Variants in SHISA9 observed in about 807,000 individuals in gnomAD.
SHISA9 encodes the protein shisa family member 9.
In SHISA9, 13 loss-of-function variants were observed where a neutral mutation model predicts 38.0. The observed-to-expected ratio is 0.34, with a 90% CI of 0.22 to 0.54. The LOEUF is 0.54. Among genes scored for constraint, SHISA9 ranks in the 20% least tolerant of loss-of-function variants. The pLI is 0.91. For missense variants in SHISA9, 538 were observed against 575.8 expected (o/e 0.93, Z 0.67); for synonymous variants, 275 against 242.0 (o/e 1.14, Z -1.27).
chr16:13,269,282 G>T, the SHISA9 span, among the ~76,000 whole-genome samples: 3 of 152,202 alleles, frequency 2.0e-5, no homozygotes, highest in African/African-American at 7.2e-5. Flanking sequence ...AGTTCGGTCG[G>T]TCACCAGCTG....
At chr16:13,059,292 T>C (rs925905036) in intron 2 of SHISA9, among the ~76,000 whole-genome samples, 4 of 152,110 alleles carry the variant, frequency 2.6e-5, no homozygotes, top group Non-Finnish European at 5.9e-5. Flanking sequence ...CATGCCTGGC[T>C]AATTTTTTGT....
intron 2 of SHISA9, among the ~76,000 whole-genome samples, chr16:12,967,070 A>G (rs1017323036): frequency 6.6e-6 from 1 of 152,216 alleles, no homozygotes; most frequent in African/African-American, 2.4e-5. Context: ...TTATTACCCA[A>G]AGGATTATAA....
At chr16:12,981,746 G>A (rs1409489532) in intron 2 of SHISA9, among the ~76,000 whole-genome samples, 2 of 152,126 alleles carry the variant, frequency 1.3e-5, no homozygotes, top group Non-Finnish European at 2.9e-5. Context: ...GGTCTTTAAC[G>A]AGGTAATTAA....
chr16:12,978,765 T>A (rs1215689167), intron 2 of SHISA9, among the ~76,000 whole-genome samples: 1 of 152,192 alleles, frequency 6.6e-6, no homozygotes, highest in Non-Finnish European at 1.5e-5. Context: ...CCCATTGCAA[T>A]GTAACAGAAC....
intron 2 of SHISA9, among the ~76,000 whole-genome samples, chr16:12,955,985 A>G (rs1376679000): frequency 1.3e-5 from 2 of 152,220 alleles, no homozygotes; most frequent in African/African-American, 4.8e-5. Flanking sequence ...ACAGAATGGG[A>G]GAAAATATTT....
intron 2 of SHISA9, among the ~76,000 whole-genome samples, chr16:12,981,938 A>G (rs949042886): frequency 6.6e-6 from 1 of 152,200 alleles, no homozygotes; most frequent in Admixed American, 6.5e-5. Flanking sequence ...TGCCATCTTG[A>G]TCTTGGACTT....
chr16:13,190,949 C>G (rs757773701), intron 2 of SHISA9, among the ~76,000 whole-genome samples: 75 of 151,886 alleles, frequency 4.9e-4, no homozygotes, highest in Non-Finnish European at 4.0e-4. Flanking sequence ...GGTCTCTCTG[C>G]CACCAAGATT....
the SHISA9 span, among the ~76,000 whole-genome samples, chr16:13,382,744 G>A: frequency 6.6e-6 from 1 of 151,642 alleles, no homozygotes; most frequent in African/African-American, 2.4e-5. Flanking sequence ...TGTAATCCCA[G>A]CTACTCGGGA....
the SHISA9 span, among the ~76,000 whole-genome samples, chr16:13,294,926 G>T: frequency 1.3e-5 from 2 of 152,306 alleles, no homozygotes; most frequent in Non-Finnish European, 2.9e-5. Context: ...ACATTTACAT[G>T]TGGGAGGCAC....
At chr16:13,054,836 A>G (rs559907684) in intron 2 of SHISA9, among the ~76,000 whole-genome samples, 1 of 152,266 alleles carries the variant, frequency 6.6e-6, no homozygotes, top group South Asian at 2.1e-4. Flanking sequence ...ATTTCAGTGC[A>G]TGGAAATTTC....
chr16:12,954,920 A>T (rs1311284048), intron 2 of SHISA9, among the ~76,000 whole-genome samples: 1 of 152,130 alleles, frequency 6.6e-6, no homozygotes, highest in Non-Finnish European at 1.5e-5. Context: ...AAATGCATTT[A>T]TTGGGCATCT....
the SHISA9 span, among the ~76,000 whole-genome samples, chr16:13,494,284 T>C: frequency 2.0e-5 from 3 of 152,188 alleles, no homozygotes; most frequent in Non-Finnish European, 4.4e-5. Flanking sequence ...AACAGCAGAA[T>C]AGATTAATCA....
At chr16:13,431,091 G>A in the SHISA9 span, among the ~76,000 whole-genome samples, 1 of 152,080 alleles carries the variant, frequency 6.6e-6, no homozygotes, top group Middle Eastern at 3.2e-3. Flanking sequence ...CATCCTCCAA[G>A]ACCCATCTCA....
At chr16:13,551,781 C>G in the SHISA9 span, among the ~76,000 whole-genome samples, 1 of 152,166 alleles carries the variant, frequency 6.6e-6, no homozygotes, top group African/African-American at 2.4e-5. Flanking sequence ...GTAATCCCAG[C>G]ACTTTGGGAG....
At chr16:13,282,039 GA>G in the SHISA9 span, among the ~76,000 whole-genome samples, 18 of 151,904 alleles carry the variant, frequency 1.2e-4, no homozygotes, top group African/African-American at 3.9e-4. Flanking sequence ...AACATTATGA[GA>G]AAAAGAAAAC....
At chr16:13,542,153 G>A in the SHISA9 span, among the ~76,000 whole-genome samples, 2 of 152,166 alleles carry the variant, frequency 1.3e-5, no homozygotes, top group African/African-American at 4.8e-5. Flanking sequence ...AGCTGGAGAA[G>A]GCAAGAATTC....
intron 3 of SHISA9, among the ~76,000 whole-genome samples, chr16:13,205,679 G>C (rs1366414836): frequency 6.6e-6 from 1 of 152,128 alleles, no homozygotes; most frequent in Non-Finnish European, 1.5e-5. Flanking sequence ...GAGCTCCCTG[G>C]TCTTGTTTCT....
At chr16:13,535,589 GAAACCATTTGGCTCACAA>G in the SHISA9 span, among the ~76,000 whole-genome samples, 1 of 152,306 alleles carries the variant, frequency 6.6e-6, no homozygotes, top group Non-Finnish European at 1.5e-5. Context: ...GGTTGTGACA[GAAACCATTTGGCTCACAA>G]AGTCTAAAAT....
At chr16:13,210,075 T>C (rs1160133798) in intron 3 of SHISA9, among the ~76,000 whole-genome samples, 1 of 152,172 alleles carries the variant, frequency 6.6e-6, no homozygotes, top group Non-Finnish European at 1.5e-5. Flanking sequence ...CACTCCAGTC[T>C]GGGCAACAGA....
Sources: gnomAD v4.1 joint callset for allele counts (sites outside exome capture counted in the v4.1 genomes callset) on GRCh38, gnomAD v4.1.1 for gene constraint, MANE v1.5 for transcripts, NCBI Gene and HGNC (gene_info 2026-07-23, HGNC 2026-07-21) for gene names.